BORCS6: variants seen among roughly 807,000 people sequenced by gnomAD.
BORCS6 encodes BLOC-1 related complex subunit 6.
In BORCS6, 12 loss-of-function variants were observed where a neutral mutation model predicts 17.0. The observed-to-expected ratio is 0.71, with a 90% CI of 0.45 to 1.15. The LOEUF is 1.15. Ranked by LOEUF, BORCS6 falls within the 50% of genes most tolerant of loss-of-function variation. The probability of loss-of-function intolerance (pLI) is 0.00; values close to 1 mark genes in which losing one functional copy is unlikely to be tolerated. For synonymous variants in BORCS6, 262 were observed against 241.7 expected (o/e 1.08, Z -0.78); for missense variants, 513 against 515.0 (o/e 1.00, Z 0.04).
chr17:8,188,939 G>A lies in BORCS6; in HGVS notation c.*128C>T, dbSNP rs749798172. 58 of 1,395,020 alleles carry A rather than the reference G, an allele frequency of 4.2e-5. No individual in the cohort carries two copies. The highest frequency in any genetic ancestry group is 8.8e-6 in the Non-Finnish European group (9 of 1,024,592). 86.4% of individuals were successfully genotyped at this position (1,395,020 alleles called of 1,614,324 possible). A position where few individuals can be genotyped will look rare whatever the true frequency, so the allele number is the denominator to read the frequency against. On this transcript the variant is annotated 3_prime_UTR_variant, in exon 1 of 1. Coordinates refer to ENST00000389017, the MANE Select transcript of BORCS6 (RefSeq NM_017622.3). ...GCGAGTGGGCACGGGCCAGCTGAAC[G>A]CATCTGGAAGAGCCTCCAACACACA...
Position 8,189,980 on chromosome 17 carries a change from G to C in BORCS6, c.161C>G (p.Ala54Gly). 6.5e-7 allele frequency: 1 copy of C among 1,549,854 alleles called. No individual in the cohort carries two copies. Among genetic ancestry groups the C allele is most frequent in the Non-Finnish European group, 8.7e-7 (1 of 1,146,814 alleles). The change falls in exon 1 of 1, where the codon GCG becomes GGG. Residue 54 changes from alanine (A) to glycine (G), a missense_variant. By Grantham distance (60) the Ala-to-Gly change is moderately conservative (BLOSUM62 0). Transcript: ENST00000389017. The surrounding 1 kb of genome is among the most constrained non-coding windows in gnomAD (Gnocchi z 7.8). ...CGGGGACGTCCTGGGGTGGCGGTTC[G>C]CGCCCCCAACGTTCTCGGTCTCTTC... ...GEEETENVGG[A>G]NRHPRTSPKT...
Position 8,189,260 on chromosome 17 carries a change from A to G in BORCS6, c.881T>C (p.Val294Ala). ...GAVQELTALS[V>A]GCIQTYRDAV... ...ATCGCGGTAGGTCTGGATGCAACCC[A>G]CGCTCAGCGCCGTCAGCTCCTGCAC... The change falls in exon 1 of 1, where the codon GTG becomes GCG. Residue 294 changes from valine (V) to alanine (A), a missense_variant. Physicochemically the swap from Val to Ala is moderately conservative, Grantham distance 64 (BLOSUM62 0). Coordinates refer to ENST00000389017, the MANE Select transcript of BORCS6 (RefSeq NM_017622.3). This position sits in a 1 kb window ranked among gnomAD's most constrained non-coding sequence, Gnocchi z 7.8. 1.2e-6 allele frequency: 2 copies of G among 1,613,828 alleles called. No homozygotes were observed. Among genetic ancestry groups the G allele is most frequent in the Non-Finnish European group, 1.7e-6 (2 of 1,179,960 alleles).
rs1430862329 is a variant in BORCS6 at position 8,190,171 on chromosome 17, G to C, written c.-31C>G. On this transcript the variant is annotated 5_prime_UTR_variant, in exon 1 of 1. Coordinates refer to ENST00000389017, the MANE Select transcript of BORCS6 (RefSeq NM_017622.3). ...AGGTGGGGGCCGCAACGGAGGAATTGGTTCGCCCCGGCTCCGGAGGCAGTG... is the reference window on the plus strand; with the variant it reads ...AGGTGGGGGCCGCAACGGAGGAATTCGTTCGCCCCGGCTCCGGAGGCAGTG... The C allele has an allele frequency of 6.5e-7, 1 of 1,528,556 alleles. No individual in the cohort carries two copies. Among genetic ancestry groups the C allele is most frequent in the Non-Finnish European group, 8.8e-7 (1 of 1,139,238 alleles). The allele number at this position is 1,528,556 out of a possible 1,614,324, so 94.7% of individuals were successfully genotyped here.
At position 8,189,821 on chromosome 17, in the gene BORCS6, G is replaced by A. The variant is rs758700053; in HGVS notation, c.320C>T (p.Ser107Phe). The A allele has an allele frequency of 8.2e-5, 130 of 1,578,366 alleles. No individual in the cohort carries two copies. Among genetic ancestry groups the A allele is most frequent in the Non-Finnish European group, 1.1e-4 (128 of 1,165,712 alleles). ...APGAEHEPSL[S>F]SRHKNPAPPE... ...CGGCGCCGGGTTCTTGTGCCGGGAGGACAGGGAAGGTTCGTGCTCTGCACC... is the reference window on the plus strand; with the variant it reads ...CGGCGCCGGGTTCTTGTGCCGGGAGAACAGGGAAGGTTCGTGCTCTGCACC... Residue 107 changes from serine (S) to phenylalanine (F), a missense_variant, in exon 1 of 1, where the codon TCC becomes TTC. By Grantham distance (155) the Ser-to-Phe change is radical. Transcript: ENST00000389017. The surrounding 1 kb of genome is among the most constrained non-coding windows in gnomAD (Gnocchi z 7.8).
At position 8,189,991 on chromosome 17, in the gene BORCS6, G is replaced by C; in HGVS notation, c.150C>G (p.Asn50Lys). 1 of 1,549,986 alleles carries C rather than the reference G, an allele frequency of 6.5e-7. No homozygotes were observed. Among genetic ancestry groups the C allele is most frequent in the Middle Eastern group, 1.7e-4 (1 of 5,990 alleles). The change falls in exon 1 of 1, where the codon AAC becomes AAG. Residue 50 changes from asparagine to lysine, a missense_variant. By Grantham distance (94) the Asn-to-Lys change is moderately conservative (BLOSUM62 0). Coordinates refer to ENST00000389017, the MANE Select transcript of BORCS6 (RefSeq NM_017622.3). This position sits in a 1 kb window ranked among gnomAD's most constrained non-coding sequence, Gnocchi z 7.8. ...TGGGGTGGCGGTTCGCGCCCCCAACGTTCTCGGTCTCTTCCTCCCCGGACA... is the reference window on the plus strand; with the variant it reads ...TGGGGTGGCGGTTCGCGCCCCCAACCTTCTCGGTCTCTTCCTCCCCGGACA... ...LRVSGEEETE[N>K]VGGANRHPRT...
Position 8,189,705 on chromosome 17 carries a change from C to G in BORCS6, c.436G>C (p.Asp146His), listed in dbSNP as rs1226793857. 1 of 1,598,924 alleles carries G rather than the reference C, an allele frequency of 6.3e-7. No homozygotes were observed. The highest frequency in any genetic ancestry group is 1.7e-5 in the Admixed American group (1 of 60,004). ...DVEQQEEEDNDEEAAAGSRAG... is the reference protein window; with the variant it reads ...DVEQQEEEDNHEEAAAGSRAG... ...CTGCTGCCCGCGGCCGCCTCCTCGT[C>G]GTTGTCTTCCTCCTCCTGCTGCTCA... Residue 146 changes from aspartate to histidine, a missense_variant, in exon 1 of 1, where the codon GAC becomes CAC. Coordinates refer to ENST00000389017, the MANE Select transcript of BORCS6 (RefSeq NM_017622.3). This position sits in a 1 kb window ranked among gnomAD's most constrained non-coding sequence, Gnocchi z 7.8.
In BORCS6 at chr17:8,189,457, G is replaced by T; in HGVS notation, c.684C>A (p.Ser228Arg). The T allele has an allele frequency of 6.4e-7, 1 of 1,569,632 alleles. No individual in the cohort carries two copies. The highest frequency in any genetic ancestry group is 8.6e-7 in the Non-Finnish European group (1 of 1,157,908). Reference protein sequence around the residue: ...ANNLQLKIRLSGAPPPPPSAP... With the variant: ...ANNLQLKIRLRGAPPPPPSAP... ...CAGAAGGCGGGGGTGGAGGCGCGCC[G>T]CTCAGACGGATCTTGAGTTGCAGGT... The change falls in exon 1 of 1, where the codon AGC (serine) becomes AGA (arginine). Residue 228 changes from serine (S) to arginine (R), a missense_variant. By Grantham distance (110) the Ser-to-Arg change is moderately radical. Coordinates refer to ENST00000389017, the MANE Select transcript of BORCS6 (RefSeq NM_017622.3). The surrounding 1 kb of genome is among the most constrained non-coding windows in gnomAD (Gnocchi z 7.8).
At position 8,189,748 on chromosome 17, in the gene BORCS6, T is replaced by C. The variant is rs753966049; in HGVS notation, c.393A>G (p.Pro131=). ...SSGRDCRRGG[P]GGGMDVEQQE... Reference sequence around the variant, plus strand: ...GCTGCTCAACATCCATCCCGCCGCCTGGTCCCCCTCGACGGCAGTCCCTCC... The same window carrying C: ...GCTGCTCAACATCCATCCCGCCGCCCGGTCCCCCTCGACGGCAGTCCCTCC... Residue 131 remains proline, a synonymous_variant, in exon 1 of 1, where the codon CCA becomes CCG. Coordinates refer to ENST00000389017, the MANE Select transcript of BORCS6 (RefSeq NM_017622.3). The surrounding 1 kb of genome is among the most constrained non-coding windows in gnomAD (Gnocchi z 7.8). 205 of 1,599,710 alleles carry C rather than the reference T, an allele frequency of 1.3e-4. No individual in the cohort carries two copies. Among genetic ancestry groups the C allele is most frequent in the Middle Eastern group, 1.6e-4 (1 of 6,078 alleles).
In BORCS6 at chr17:8,189,676, G is replaced by A; in HGVS notation, c.465C>T (p.Ala155=). ...GAAGACGGCTGGAGAACGAGCGGCC[G>A]GCTCTGCTGCCCGCGGCCGCCTCCT... ...NDEEAAAGSR[A]GRSFSSRLQD... is the part of the protein sequence containing the mutation. Residue 155 remains alanine (A), a synonymous_variant, in exon 1 of 1, where the codon GCC becomes GCT. Coordinates refer to ENST00000389017, the MANE Select transcript of BORCS6 (RefSeq NM_017622.3). This position sits in a 1 kb window ranked among gnomAD's most constrained non-coding sequence, Gnocchi z 7.8. 3 of 1,598,362 alleles carry A rather than the reference G, an allele frequency of 1.9e-6. No individual in the cohort carries two copies. The highest frequency in any genetic ancestry group is 2.5e-6 in the Non-Finnish European group (3 of 1,179,480).
In BORCS6 at chr17:8,190,040, G is replaced by A; in HGVS notation, c.101C>T (p.Ser34Phe). 3 of 1,550,176 alleles carry A rather than the reference G, an allele frequency of 1.9e-6. No homozygotes were observed. The highest frequency in any genetic ancestry group is 2.6e-6 in the Non-Finnish European group (3 of 1,146,856). The stretch of plus-strand genomic sequence containing the variant: ...CACCCGGAGGCCTGCGGGCGGCTCA[G>A]AGGACGTTCGGCCCGGCCCGCCGCC... ...VFGGGPGRTS[S>F]EPPAGLRVSG... Residue 34 changes from serine to phenylalanine, a missense_variant, in exon 1 of 1, where the codon TCT becomes TTT. Physicochemically the swap from Ser to Phe is radical, Grantham distance 155. Coordinates refer to ENST00000389017, the MANE Select transcript of BORCS6 (RefSeq NM_017622.3).
chr17:8,188,741 T>C lies in BORCS6; in HGVS notation c.*326A>G, dbSNP rs1984557418. ...CTGATTACATGTGGGAGTCACGTCC[T>C]CACCTTCAAGCAGACCTAAAGCCCC... On this transcript the variant is annotated 3_prime_UTR_variant, in exon 1 of 1. Transcript: ENST00000389017. 2.6e-6 allele frequency: 1 copy of C among 387,378 alleles called. No homozygotes were observed. 24.0% of individuals were successfully genotyped at this position (387,378 alleles called of 1,614,324 possible).
Position 8,189,117 on chromosome 17 carries a change from C to T in BORCS6, c.1024G>A (p.Val342Ile), listed in dbSNP as rs1984568347. Reference sequence around the variant, plus strand: ...TCCAGAGTACGTCGGATATCCCGGACTTGGCGCGCCAGCCCCTGAACCGGC... The same window carrying T: ...TCCAGAGTACGTCGGATATCCCGGATTTGGCGCGCCAGCCCCTGAACCGGC... ...LQPVQGLARQVRDIRRTLEVL... is the reference protein window; with the variant it reads ...LQPVQGLARQIRDIRRTLEVL... Residue 342 changes from valine (V) to isoleucine (I), a missense_variant, in exon 1 of 1, where the codon GTC (valine) becomes ATC (isoleucine). Physicochemically the swap from Val to Ile is conservative, Grantham distance 29 (BLOSUM62 3). Transcript: ENST00000389017. This position sits in a 1 kb window ranked among gnomAD's most constrained non-coding sequence, Gnocchi z 7.8. 1 of 1,614,028 alleles carries T rather than the reference C, an allele frequency of 6.2e-7. No individual in the cohort carries two copies. Among genetic ancestry groups the T allele is most frequent in the African/African-American group, 1.3e-5 (1 of 74,966 alleles).
chr17:8,190,115 C>T lies in BORCS6; in HGVS notation c.26G>A (p.Gly9Glu), dbSNP rs1373866117. 5.2e-6 allele frequency: 8 copies of T among 1,549,534 alleles called. No homozygotes were observed. The highest frequency in any genetic ancestry group is 2.0e-5 in the Admixed American group (1 of 50,730). ...TACAGCCAGAAGGTCCGTCTCGGGC[C>T]CGGGCCGCCCCCGAGACGACTCCAT... Reference protein sequence around the residue: MESSRGRPGPETDLLAVAE... With the variant: MESSRGRPEPETDLLAVAE... The change falls in exon 1 of 1, where the codon GGG (glycine) becomes GAG (glutamate). Residue 9 changes from glycine to glutamate, a missense_variant. Transcript: ENST00000389017.
Position 8,188,840 on chromosome 17 carries a change from A to C in BORCS6, c.*227T>G, listed in dbSNP as rs569146309. ...AGGGTAGCTACAGATGGCCAACTGAATACAAGCAGAGCAACATCCCTTCCC... is the reference window on the plus strand; with the variant it reads ...AGGGTAGCTACAGATGGCCAACTGACTACAAGCAGAGCAACATCCCTTCCC... On this transcript the variant is annotated 3_prime_UTR_variant, in exon 1 of 1. Transcript: ENST00000389017. 5.4e-5 allele frequency: 34 copies of C among 626,452 alleles called. No individual in the cohort carries two copies. In the African/African-American group the frequency reaches 5.7e-4, roughly 10 times the overall value. The allele number at this position is 626,452 out of a possible 1,614,324, so 38.8% of individuals were successfully genotyped here.
Position 8,188,932 on chromosome 17 carries a change from G to A in BORCS6, c.*135C>T, listed in dbSNP as rs1984562637. The A allele has an allele frequency of 2.2e-6, 3 of 1,364,660 alleles. No homozygotes were observed. The highest frequency in any genetic ancestry group is 5.0e-5 in the East Asian group (2 of 40,354). 84.5% of individuals were successfully genotyped at this position (1,364,660 alleles called of 1,614,324 possible). ...AGGCCCAGCGAGTGGGCACGGGCCA[G>A]CTGAACGCATCTGGAAGAGCCTCCA... On this transcript the variant is annotated 3_prime_UTR_variant, in exon 1 of 1. Coordinates refer to ENST00000389017, the MANE Select transcript of BORCS6 (RefSeq NM_017622.3).
In BORCS6 at chr17:8,190,055, G is replaced by T; in HGVS notation, c.86C>A (p.Pro29Gln). 6.5e-7 allele frequency: 1 copy of T among 1,550,172 alleles called. No homozygotes were observed. The highest frequency in any genetic ancestry group is 1.2e-5 in the South Asian group (1 of 84,054). The change falls in exon 1 of 1, where the codon CCG (proline) becomes CAG (glutamine). Residue 29 changes from proline to glutamine, a missense_variant. By Grantham distance (76) the Pro-to-Gln change is moderately conservative. Coordinates refer to ENST00000389017, the MANE Select transcript of BORCS6 (RefSeq NM_017622.3). ...EHQALVFGGG[P>Q]GRTSSEPPAG... ...GGGCGGCTCAGAGGACGTTCGGCCC[G>T]GCCCGCCGCCAAAGACTAGGGCCTG...
chr17:8,188,597 T>C lies in BORCS6; in HGVS notation c.*470A>G. The C allele has an allele frequency of 5.2e-6, 1 of 193,736 alleles. No individual in the cohort carries two copies. The highest frequency in any genetic ancestry group is 8.0e-5 in the South Asian group (1 of 12,494). 12.0% of individuals were successfully genotyped at this position (193,736 alleles called of 1,614,324 possible). A position where few individuals can be genotyped will look rare whatever the true frequency, so the allele number is the denominator to read the frequency against. ...CTCTCCATCAGCAGGGGTGCATCTT[T>C]GCCTGCGGGGTGTTTGGCCAAGGAC... On this transcript the variant is annotated 3_prime_UTR_variant, in exon 1 of 1. Transcript: ENST00000389017.
rs557876097 is a variant in BORCS6 at position 8,188,868 on chromosome 17, C to G, written c.*199G>C. The G allele has an allele frequency of 1.4e-6, 1 of 722,372 alleles. No homozygotes were observed. The highest frequency in any genetic ancestry group is 2.2e-6 in the Non-Finnish European group (1 of 446,758). 44.7% of individuals were successfully genotyped at this position (722,372 alleles called of 1,614,324 possible). On this transcript the variant is annotated 3_prime_UTR_variant, in exon 1 of 1. Transcript: ENST00000389017. ...CAAGCAGAGCAACATCCCTTCCCAC[C>G]AGGAGAGCCGTTAGAACTTCCCCAC...
rs897129943 is a variant in BORCS6, at chr17:8,189,991, G to A, written c.150C>T (p.Asn50=). 3 of 1,549,868 alleles carry A rather than the reference G, an allele frequency of 1.9e-6. No homozygotes were observed. Among genetic ancestry groups the A allele is most frequent in the African/African-American group, 1.4e-5 (1 of 73,040 alleles). ...TGGGGTGGCGGTTCGCGCCCCCAAC[G>A]TTCTCGGTCTCTTCCTCCCCGGACA... ...LRVSGEEETE[N]VGGANRHPRT... Residue 50 remains asparagine, a synonymous_variant, in exon 1 of 1, where the codon AAC becomes AAT. Coordinates refer to ENST00000389017, the MANE Select transcript of BORCS6 (RefSeq NM_017622.3). The surrounding 1 kb of genome is among the most constrained non-coding windows in gnomAD (Gnocchi z 7.8).
Sources: gnomAD v4.1 joint callset for allele counts on GRCh38, gnomAD v4.1.1 for gene constraint, Gnocchi (gnomAD v3.1) non-coding constraint, MANE v1.5 for transcripts, NCBI Gene and HGNC (gene_info 2026-07-23, HGNC 2026-07-21) for gene names.